Variants in JAK3 observed in about 807,000 individuals in gnomAD.
The protein encoded by JAK3 is tyrosine-protein kinase JAK3.
JAK3 carries 88 observed loss-of-function variants against 120.8 expected under a neutral mutation model. That is an observed-to-expected ratio of 0.73 (90% CI 0.61 to 0.87). JAK3 has a LOEUF of 0.87. Among genes scored for constraint, JAK3 ranks in the 40% least tolerant of loss-of-function variants. The pLI is 0.00. For missense variants in JAK3, 1,254 were observed against 1,501.4 expected (o/e 0.84, Z 2.72); for synonymous variants, 592 against 628.6 (o/e 0.94, Z 0.87).
Position 17,826,912 on chromosome 19 carries a change from T to C in JAK3, c.3208-2A>G, listed in dbSNP as rs2147670046. ...GCACAGCTTCATGAGCTCGTGAACCTGAGGGGCGGGGGACAGATAATGGGG... is the reference window on the plus strand; with the variant it reads ...GCACAGCTTCATGAGCTCGTGAACCCGAGGGGCGGGGGACAGATAATGGGG... On this transcript the variant is annotated splice_acceptor_variant, in intron 23 of 23. Transcript: ENST00000458235. LOFTEE classifies it high-confidence loss of function. The C allele has an allele frequency of 6.2e-7, 1 of 1,608,054 alleles. No homozygotes were observed. The highest frequency in any genetic ancestry group is 8.5e-7 in the Non-Finnish European group (1 of 1,179,334).
chr19:17,837,538 C>T lies in JAK3; in HGVS notation c.1702-325G>A, dbSNP rs563701969. ...TCAAGCAATTCTCCTGCCTCAGCCT[C>T]CCGAGTAGCTGGGATTACAGGCATG... On this transcript the variant is annotated intron_variant, in intron 12 of 23. Coordinates refer to ENST00000458235, the MANE Select transcript of JAK3 (RefSeq NM_000215.4). Among the ~76,000 whole-genome samples the T allele has an allele frequency of 2.6e-4, 40 of 152,326 alleles. No individual in the cohort carries two copies. The East Asian group carries it at 7.1e-3, about 27-fold the overall frequency.
intron 23 of JAK3, among the ~76,000 whole-genome samples, chr19:17,827,717 TAAAAAAAAAAAAAAAAAAAAAAAAAAAAA>T (rs760856974): frequency 6.4e-5 from 5 of 77,680 alleles, no homozygotes; most frequent in African/African-American, 2.4e-4. Context: ...CCATCTTAAC[TAAAAAAAAAAAAAAAAAAAAAAAAAAAAA>T]AAAAAAAAAA....
At chr19:17,835,812 C>T (rs547403790) in intron 14 of JAK3, 112 bp downstream of exon 14, 21 of 1,410,148 alleles carry the variant, frequency 1.5e-5, no homozygotes, top group East Asian at 7.2e-5. Flanking sequence ...GCCCTCCCCT[C>T]GAACCCTTAC....
intron 8 of JAK3, 80 bp from the exon 9 acceptor site, chr19:17,840,421 C>T (rs940057285): frequency 3.2e-6 from 3 of 925,276 alleles, no homozygotes; most frequent in African/African-American, 3.3e-5. Context: ...ATTCAGGTAC[C>T]TCTGTAGCCC....
In JAK3 at chr19:17,842,317, T is replaced by A; in HGVS notation, c.860A>T (p.Glu287Val). ...CCCAGCGGGGGAGTCCGCCCTCACC[T>A]CCTGTTCTCCCTGGGTCCAGGCGAT... ...GGIAWTQGEQ[E>V]VLQPFCDFPE... is the part of the protein sequence containing the mutation. Residue 287 changes from glutamate to valine, a missense_variant and splice_region_variant, in exon 6 of 24, where the codon GAG (glutamate) becomes GTG (valine). Physicochemically the swap from Glu to Val is moderately radical, Grantham distance 121. This residue lies in a region of JAK3 where 486 missense variants were observed against 503.0 expected (regional missense o/e 0.97). Coordinates refer to ENST00000458235, the MANE Select transcript of JAK3 (RefSeq NM_000215.4). This position sits in a 1 kb window ranked among gnomAD's most constrained non-coding sequence, Gnocchi z 6.4. 1 of 1,344,818 alleles carries A rather than the reference T, an allele frequency of 7.4e-7. No individual in the cohort carries two copies. The highest frequency in any genetic ancestry group is 2.0e-5 in the Admixed American group (1 of 49,624). 83.3% of individuals were successfully genotyped at this position (1,344,818 alleles called of 1,614,324 possible).
intron 14 of JAK3, 23 bp from the exon 15 acceptor site, chr19:17,835,238 A>T (rs2147683372): frequency 6.2e-7 from 1 of 1,611,982 alleles, no homozygotes; most frequent in Non-Finnish European, 8.5e-7. Flanking sequence ...GACACAGGAA[A>T]ATGCCCGGGA....
chr19:17,838,448 G>A (rs2147689387), intron 10 of JAK3, 58 bp from the exon 11 acceptor site: 1 of 1,606,372 alleles, frequency 6.2e-7, no homozygotes, highest in Non-Finnish European at 8.5e-7. Flanking sequence ...GTCCCCAAGG[G>A]TTAGCTAACT....
At chr19:17,833,809 C>T (rs1015147495) in intron 17 of JAK3, among the ~76,000 whole-genome samples, 7 of 152,054 alleles carry the variant, frequency 4.6e-5, no homozygotes, top group Middle Eastern at 3.4e-3. Flanking sequence ...GCCAGGATCA[C>T]GCCACTGCAC....
rs754954318 is a variant in JAK3 at position 17,844,355 on chromosome 19, C to G, written c.63G>C (p.Thr21=). The part of the protein sequence containing the change: ...IPQRSCSLLS[T]EAGALHVLLP... ...GCAGCACATGCAGGGCACCAGCCTCCGTGGACAAGAGGCTGCATGAACGCT... is the reference window on the plus strand; with the variant it reads ...GCAGCACATGCAGGGCACCAGCCTCGGTGGACAAGAGGCTGCATGAACGCT... Residue 21 remains threonine, a synonymous_variant, in exon 2 of 24, where the codon ACG becomes ACC. Coordinates refer to ENST00000458235, the MANE Select transcript of JAK3 (RefSeq NM_000215.4). 3.1e-6 allele frequency: 5 copies of G among 1,612,120 alleles called. No individual in the cohort carries two copies. The highest frequency in any genetic ancestry group is 3.3e-4 in the Middle Eastern group (2 of 5,976).
chr19:17,843,077 C>T lies in JAK3; in HGVS notation c.516G>A (p.Arg172=), dbSNP rs1599880017. 16 of 1,610,870 alleles carry T rather than the reference C, an allele frequency of 9.9e-6. No individual in the cohort carries two copies. Among genetic ancestry groups the T allele is most frequent in the Non-Finnish European group, 1.2e-5 (14 of 1,179,964 alleles). The change falls in exon 5 of 24, where the codon CGG becomes CGA. Residue 172 remains arginine, a synonymous_variant. Transcript: ENST00000458235. The surrounding 1 kb of genome is among the most constrained non-coding windows in gnomAD (Gnocchi z 5.4). ...CLSLAVLDLA[R]MAREQAQRPG... ...GCCGCTGGGCCTGCTCTCGCGCCAT[C>T]CGGGCCAGGTCCAACACGGCCAGGC...
At position 17,843,854 on chromosome 19, in the gene JAK3, G is replaced by A. The variant is rs771323120; in HGVS notation, c.231C>T (p.Asp77=). Residue 77 remains aspartate, a synonymous_variant, in exon 3 of 24, where the codon GAC becomes GAT. Transcript: ENST00000458235. The surrounding 1 kb of genome is among the most constrained non-coding windows in gnomAD (Gnocchi z 5.4). ...YHSLFALATE[D]LSCWFPPSHI... ...GGCTCGGGGGGAACCAGCAGGACAG[G>A]TCCTCCGTGGCCAGAGCAAAGAGGG... 3 of 1,613,500 alleles carry A rather than the reference G, an allele frequency of 1.9e-6. No individual in the cohort carries two copies. Among genetic ancestry groups the A allele is most frequent in the Non-Finnish European group, 2.5e-6 (3 of 1,179,952 alleles).
rs2302601 is a variant in JAK3 at position 17,830,364 on chromosome 19, C to T, written c.3096+139G>A. 6 of 899,988 alleles carry T rather than the reference C, an allele frequency of 6.7e-6. No individual in the cohort carries two copies. The East Asian group carries it at 1.1e-4, about 16-fold the overall frequency. 55.8% of individuals were successfully genotyped at this position (899,988 alleles called of 1,614,324 possible). A position where few individuals can be genotyped will look rare whatever the true frequency, so the allele number is the denominator to read the frequency against. On this transcript the variant is annotated intron_variant, in intron 22 of 23. Transcript: ENST00000458235. ...TGAAGGGGTCAGAAAGGTGAGGAAG[C>T]GTCCTCCCCACTGGGGCCTATGATG...
rs2094204239 is a variant in JAK3 at position 17,826,555 on chromosome 19, C to T, written c.*188G>A. On this transcript the variant is annotated 3_prime_UTR_variant, in exon 24 of 24. Coordinates refer to ENST00000458235, the MANE Select transcript of JAK3 (RefSeq NM_000215.4). ...ACACATATGCCCATCTGTCTTGAACCTTAACAAATTGCAAAGGCCACAGGC... is the reference window on the plus strand; with the variant it reads ...ACACATATGCCCATCTGTCTTGAACTTTAACAAATTGCAAAGGCCACAGGC... The T allele has an allele frequency of 1.5e-6, 1 of 674,296 alleles. No individual in the cohort carries two copies. Among genetic ancestry groups the T allele is most frequent in the Admixed American group, 2.2e-5 (1 of 45,380 alleles). The allele number at this position is 674,296 out of a possible 1,614,324, so 41.8% of individuals were successfully genotyped here.
rs1427483914 is a variant in JAK3 at position 17,843,607 on chromosome 19, C to T, written c.309-116G>A. The T allele has an allele frequency of 1.8e-5, 21 of 1,173,626 alleles. No individual in the cohort carries two copies. Among genetic ancestry groups the T allele is most frequent in the Non-Finnish European group, 2.5e-5 (20 of 784,922 alleles). The allele number at this position is 1,173,626 out of a possible 1,614,324, so 72.7% of individuals were successfully genotyped here. ...GAGGCCTCACAGAGCCCAGCTTGTA[C>T]CTTTAACTTGCTGTGTGACCTTGGG... is the stretch of plus-strand genomic sequence containing the variant. On this transcript the variant is annotated intron_variant, in intron 3 of 23. Transcript: ENST00000458235. The surrounding 1 kb of genome is among the most constrained non-coding windows in gnomAD (Gnocchi z 5.4).
intron 2 of JAK3, 101 bp from the exon 3 acceptor site, chr19:17,844,001 A>C: frequency 8.4e-6 from 12 of 1,423,382 alleles, no homozygotes; most frequent in Non-Finnish European, 1.1e-5. Flanking sequence ...TCCATACCTC[A>C]AGGTATGACC....
Position 17,832,373 on chromosome 19 carries a change from A to C in JAK3, c.2680+146T>G. Reference sequence around the variant, plus strand: ...AGGTTTCACAACTGGTAAGGGGTAGAGTCAGGATTCAAACCTGTAACCCAT... The same window carrying C: ...AGGTTTCACAACTGGTAAGGGGTAGCGTCAGGATTCAAACCTGTAACCCAT... On this transcript the variant is annotated intron_variant, in intron 19 of 23. Coordinates refer to ENST00000458235, the MANE Select transcript of JAK3 (RefSeq NM_000215.4). The surrounding 1 kb of genome is among the most constrained non-coding windows in gnomAD (Gnocchi z 4.7). 1 of 822,994 alleles carries C rather than the reference A, an allele frequency of 1.2e-6. No homozygotes were observed. Among genetic ancestry groups the C allele is most frequent in the Middle Eastern group, 2.9e-4 (1 of 3,486 alleles). 51.0% of individuals were successfully genotyped at this position (822,994 alleles called of 1,614,324 possible). A position where few individuals can be genotyped will look rare whatever the true frequency, so the allele number is the denominator to read the frequency against.
At position 17,841,364 on chromosome 19, in the gene JAK3, C is replaced by T; in HGVS notation, c.1142+25G>A. ...GAGGGGCCCTGAGTGGCCACAGAGG[C>T]CGGGAATGGGGGACAGGTCCTTACG... On this transcript the variant is annotated intron_variant, in intron 8 of 23. Transcript: ENST00000458235. This position sits in a 1 kb window ranked among gnomAD's most constrained non-coding sequence, Gnocchi z 4.1. 1 of 1,539,924 alleles carries T rather than the reference C, an allele frequency of 6.5e-7. No individual in the cohort carries two copies. The highest frequency in any genetic ancestry group is 8.7e-7 in the Non-Finnish European group (1 of 1,145,618).
rs1052019264 is a variant in JAK3 at position 17,844,390 on chromosome 19, G to C, written c.28C>G (p.Leu10Val). ...AGGCTGCATGAACGCTGAGGGATCA[G>C]GGGCGTCTCTTCACTTGGAGGTGCC... MAPPSEETP[L>V]IPQRSCSLLS... is the part of the protein sequence containing the mutation. Residue 10 changes from leucine to valine, a missense_variant, in exon 2 of 24, where the codon CTG becomes GTG. Leu to Val is a conservative substitution (Grantham distance 32, BLOSUM62 1). Around this residue, in one of 3 missense-constraint regions of JAK3, gnomAD observed 138 missense variants for 178.7 expected, o/e 0.77. Coordinates refer to ENST00000458235, the MANE Select transcript of JAK3 (RefSeq NM_000215.4). 5.0e-6 allele frequency: 8 copies of C among 1,611,952 alleles called. No homozygotes were observed. Among genetic ancestry groups the C allele is most frequent in the African/African-American group, 1.3e-5 (1 of 74,914 alleles).
chr19:17,837,369 T>A (rs910802271), intron 12 of JAK3, among the ~76,000 whole-genome samples, 156 bp from the exon 13 acceptor site: 2 of 152,194 alleles, frequency 1.3e-5, no homozygotes, highest in Non-Finnish European at 2.9e-5. Context: ...TACCATGATT[T>A]TCTGATACGG....
Sources: allele counts gnomAD v4.1 joint callset (sites outside exome capture counted in the v4.1 genomes callset), GRCh38; gene constraint gnomAD v4.1.1; regional missense constraint gnomAD v4.1.1; non-coding constraint Gnocchi (gnomAD v3.1); transcripts MANE v1.5; gene names NCBI Gene and HGNC (gene_info 2026-07-23, HGNC 2026-07-21).